NKD1: variants seen among roughly 807,000 people sequenced by gnomAD.
NKD1 encodes the protein protein naked cuticle homolog 1.
In NKD1, 21 loss-of-function variants were observed where a neutral mutation model predicts 56.0. That is an observed-to-expected ratio of 0.38 (90% CI 0.27 to 0.54). The LOEUF (loss-of-function observed/expected upper bound fraction) is 0.54, where lower values mean the gene tolerates loss of function less well. Among genes scored for constraint, NKD1 ranks in the 20% least tolerant of loss-of-function variants. The pLI, the probability that NKD1 is intolerant of heterozygous loss-of-function variation, is 0.82. For synonymous variants in NKD1, 263 were observed against 265.7 expected, an observed-to-expected ratio of 0.99 and a Z score of 0.10; for missense variants, 578 against 642.7, an observed-to-expected ratio of 0.90 and a Z score of 1.09.
intron 3 of NKD1, among the ~76,000 whole-genome samples, chr16:50,586,015 T>G (rs1314796264): frequency 2.0e-5 from 3 of 152,134 alleles, no homozygotes; most frequent in Non-Finnish European, 2.9e-5. Context: ...GGGATTCTTC[T>G]CATCTTCATG....
chr16:50,626,767 G>T (rs114669484), intron 6 of NKD1, among the ~76,000 whole-genome samples: 2 of 152,100 alleles, frequency 1.3e-5, no homozygotes, highest in Admixed American at 6.5e-5. Flanking sequence ...GTCCCTCCCC[G>T]AGAGGACCCC....
rs1962370458 is a variant in NKD1 at position 50,632,556 on chromosome 16, G to A, written c.823+148G>A. On this transcript the variant is annotated intron_variant, in intron 9 of 9. Transcript: ENST00000268459. The surrounding 1 kb of genome is among the most constrained non-coding windows in gnomAD (Gnocchi z 4.1). ...AGGTCAAAGACTTCTTGGAGAAAGT[G>A]ACGTTAAAAATGGTTTCAAAATTAA... The A allele has an allele frequency of 8.0e-6, 6 of 753,724 alleles. No homozygotes were observed. In the Admixed American group the frequency reaches 1.4e-4, roughly 18 times the overall value. The allele number at this position is 753,724 out of a possible 1,614,324, so 46.7% of individuals were successfully genotyped here. A position where few individuals can be genotyped will look rare whatever the true frequency, so the allele number is the denominator to read the frequency against.
chr16:50,644,296 T>C lies in NKD1; in HGVS notation c.*10515T>C, dbSNP rs1251403841. The stretch of plus-strand genomic sequence containing the variant: ...AGCACTTGTTCACCAGATTATCTTA[T>C]AATCCCAAAGGCCCAGCAAAGACAG... On this transcript the variant is annotated 3_prime_UTR_variant, in exon 10 of 10. Transcript: ENST00000268459. The C allele has an allele frequency of 6.6e-6, 1 of 152,270 alleles. No homozygotes were observed. Among genetic ancestry groups the C allele is most frequent in the Non-Finnish European group, 1.5e-5 (1 of 68,042 alleles). The allele number at this position is 152,270 out of a possible 1,614,324, so 9.4% of individuals were successfully genotyped here. A position where few individuals can be genotyped will look rare whatever the true frequency, so the allele number is the denominator to read the frequency against.
At chr16:50,560,536 T>C (rs1358315242) in intron 3 of NKD1, among the ~76,000 whole-genome samples, 1 of 152,018 alleles carries the variant, frequency 6.6e-6, no homozygotes, top group East Asian at 1.9e-4. Context: ...TTGCCCAAGG[T>C]CACTTAACTT....
At chr16:50,586,079 G>A (rs1372708660) in intron 3 of NKD1, among the ~76,000 whole-genome samples, 1 of 152,108 alleles carries the variant, frequency 6.6e-6, no homozygotes, top group Non-Finnish European at 1.5e-5. Context: ...CTCCACCCAG[G>A]GTGGAGCTGA....
chr16:50,641,118 G>A lies in NKD1; in HGVS notation c.*7337G>A, dbSNP rs766657492. ...GGGAGGCTGACAGCTCTGATGTCTG[G>A]AGAGGGGGCTTCTGCAACCTCCAAC... On this transcript the variant is annotated 3_prime_UTR_variant, in exon 10 of 10. Coordinates refer to ENST00000268459, the MANE Select transcript of NKD1 (RefSeq NM_033119.5). 2 of 152,322 alleles carry A rather than the reference G, an allele frequency of 1.3e-5. No homozygotes were observed. Among genetic ancestry groups the A allele is most frequent in the Non-Finnish European group, 2.9e-5 (2 of 68,110 alleles). The allele number at this position is 152,322 out of a possible 1,614,324, so 9.4% of individuals were successfully genotyped here.
intron 3 of NKD1, among the ~76,000 whole-genome samples, chr16:50,593,454 A>C (rs890078057): frequency 6.6e-6 from 1 of 152,196 alleles, no homozygotes. Flanking sequence ...GTGAGGTGGT[A>C]AAGTGCTCTC....
intron 4 of NKD1, among the ~76,000 whole-genome samples, chr16:50,609,160 TAGAG>T (rs1175053055): frequency 5.3e-5 from 8 of 152,344 alleles, no homozygotes; most frequent in African/African-American, 1.7e-4. Context: ...TGCCGTGTTG[TAGAG>T]AGAATCAGGA....
At position 50,607,058 on chromosome 16, in the gene NKD1, T is replaced by A. The variant is rs922787511; in HGVS notation, c.193-1236T>A. ...GAGGAGGAGAGGAAGCCATCCTGAC[T>A]CGAGGAATAAAGTAGCCTGGTTTTG... On this transcript the variant is annotated intron_variant, in intron 3 of 9. Transcript: ENST00000268459. The A allele has an allele frequency of 8.7e-6, 4 of 457,198 alleles. No individual in the cohort carries two copies. The East Asian group carries it at 2.8e-4, about 32-fold the overall frequency. 28.3% of individuals were successfully genotyped at this position (457,198 alleles called of 1,614,324 possible).
At chr16:50,589,286 C>T (rs928332415) in intron 3 of NKD1, among the ~76,000 whole-genome samples, 10 of 152,312 alleles carry the variant, frequency 6.6e-5, no homozygotes, top group Non-Finnish European at 1.2e-4. Context: ...AGAGAGAATA[C>T]GGAAATGAGT....
At chr16:50,561,818 GT>G (rs1960640773) in intron 3 of NKD1, among the ~76,000 whole-genome samples, 3 of 152,224 alleles carry the variant, frequency 2.0e-5, no homozygotes, top group Admixed American at 6.5e-5. Flanking sequence ...ATACTGGGAA[GT>G]GGGATTCACT....
At position 50,548,433 on chromosome 16, in the gene NKD1, G is replaced by T. The variant is rs1352421866; in HGVS notation, c.-121G>T. Reference sequence around the variant, plus strand: ...GCGACGGCGGCAGGAGCGCGTCCCGGCGCCGCCTCGGGCTCCGCTCGGCTC... The same window carrying T: ...GCGACGGCGGCAGGAGCGCGTCCCGTCGCCGCCTCGGGCTCCGCTCGGCTC... On this transcript the variant is annotated 5_prime_UTR_variant, in exon 1 of 10. Coordinates refer to ENST00000268459, the MANE Select transcript of NKD1 (RefSeq NM_033119.5). 9.1e-6 allele frequency: 5 copies of T among 550,996 alleles called. No individual in the cohort carries two copies. The highest frequency in any genetic ancestry group is 1.2e-5 in the Non-Finnish European group (5 of 403,258). 34.1% of individuals were successfully genotyped at this position (550,996 alleles called of 1,614,324 possible).
In NKD1 at chr16:50,632,516, C is replaced by A; in HGVS notation, c.823+108C>A. On this transcript the variant is annotated intron_variant, in intron 9 of 9. Coordinates refer to ENST00000268459, the MANE Select transcript of NKD1 (RefSeq NM_033119.5). The surrounding 1 kb of genome is among the most constrained non-coding windows in gnomAD (Gnocchi z 4.1). Reference sequence around the variant, plus strand: ...ACTGCTACCCCAGGCTTCGGTAAGACAACTATTATGGGACAGGTCAAAGAC... The same window carrying A: ...ACTGCTACCCCAGGCTTCGGTAAGAAAACTATTATGGGACAGGTCAAAGAC... The A allele has an allele frequency of 1.8e-6, 2 of 1,089,756 alleles. No individual in the cohort carries two copies. The highest frequency in any genetic ancestry group is 2.7e-6 in the Non-Finnish European group (2 of 730,238). The allele number at this position is 1,089,756 out of a possible 1,614,324, so 67.5% of individuals were successfully genotyped here. A position where few individuals can be genotyped will look rare whatever the true frequency, so the allele number is the denominator to read the frequency against.
chr16:50,556,638 G>A (rs1960509880), intron 3 of NKD1: 2 of 152,242 alleles, frequency 1.3e-5, no homozygotes, highest in African/African-American at 4.8e-5. Context: ...TCCCTGCCTG[G>A]GCTTCAGATT....
In NKD1 at chr16:50,619,753, C is replaced by T. The variant is rs540089234; in HGVS notation, c.260-1849C>T. The stretch of plus-strand genomic sequence containing the variant: ...AGGGGTTGGTAGCTTCCTCATTTTA[C>T]GGTTGGGGAAACTGAGACATCTAGA... On this transcript the variant is annotated intron_variant, in intron 4 of 9. Transcript: ENST00000268459. Among the ~76,000 whole-genome samples the T allele has an allele frequency of 5.9e-5, 9 of 152,240 alleles. No individual in the cohort carries two copies. In the South Asian group the frequency reaches 8.3e-4, roughly 14 times the overall value.
In NKD1 at chr16:50,549,305, C is replaced by T. The variant is rs1960319643; in HGVS notation, c.59-117C>T. 6.6e-6 allele frequency: 9 copies of T among 1,355,124 alleles called. No individual in the cohort carries two copies. The Admixed American group carries it at 1.1e-4, about 17-fold the overall frequency. 83.9% of individuals were successfully genotyped at this position (1,355,124 alleles called of 1,614,324 possible). On this transcript the variant is annotated intron_variant, in intron 2 of 9. Transcript: ENST00000268459. ...GCTCCTGCCCCAGCCCGCGAACCCC[C>T]TCCTGGCCCCCGTGCCGTGGTCCTT...
At chr16:50,565,389 G>T (rs1960737133) in intron 3 of NKD1, among the ~76,000 whole-genome samples, 1 of 151,152 alleles carries the variant, frequency 6.6e-6, no homozygotes, top group Non-Finnish European at 1.5e-5. Flanking sequence ...AAAAAAAGGT[G>T]ATATAGAAGC....
At chr16:50,628,320 C>T (rs766785318) in intron 6 of NKD1, among the ~76,000 whole-genome samples, 8 of 152,208 alleles carry the variant, frequency 5.3e-5, no homozygotes, top group African/African-American at 1.9e-4. Context: ...ACAGGGTCAG[C>T]GCCTCTGTCG....
chr16:50,561,210 T>A (rs1960625011), intron 3 of NKD1, among the ~76,000 whole-genome samples: 1 of 152,020 alleles, frequency 6.6e-6, no homozygotes, highest in Non-Finnish European at 1.5e-5. Flanking sequence ...AGCAGCTTCA[T>A]CCCAGGAGAA....
Sources: allele counts gnomAD v4.1 joint callset (sites outside exome capture counted in the v4.1 genomes callset), GRCh38; gene constraint gnomAD v4.1.1; non-coding constraint Gnocchi (gnomAD v3.1); transcripts MANE v1.5; gene names NCBI Gene and HGNC (gene_info 2026-07-23, HGNC 2026-07-21).